Variants in SCN10A observed in about 807,000 individuals in gnomAD.
SCN10A encodes sodium channel protein type 10 subunit alpha.
In SCN10A, 162 loss-of-function variants were observed where a neutral mutation model predicts 170.7. The ratio of observed to expected loss-of-function variants is 0.95; its 90% CI spans 0.84 to 1.08. The LOEUF (loss-of-function observed/expected upper bound fraction) is 1.08, where lower values mean the gene tolerates loss of function less well. Ranked by LOEUF, SCN10A falls within the 50% of genes least tolerant of loss-of-function variation. SCN10A has a pLI of 0.00. For synonymous variants in SCN10A, 985 were observed against 904.6 expected, an observed-to-expected ratio of 1.09 and a Z score of -1.59; for missense variants, 2,527 against 2,436.9, an observed-to-expected ratio of 1.04 and a Z score of -0.78.
chr3:38,786,338 T>C (rs2064201753), intron 4 of SCN10A, among the ~76,000 whole-genome samples: 1 of 152,124 alleles, frequency 6.6e-6, no homozygotes, highest in Non-Finnish European at 1.5e-5. Flanking sequence ...GGGACATGGA[T>C]GAAGCTGGAA....
intron 15 of SCN10A, among the ~76,000 whole-genome samples, chr3:38,729,425 G>A (rs2063492820): frequency 6.6e-6 from 1 of 152,152 alleles, no homozygotes; most frequent in African/African-American, 2.4e-5. Flanking sequence ...AACTGCAAAT[G>A]TCCATGATTT....
chr3:38,707,425 C>G, intron 25 of SCN10A, 42 bp from the exon 26 acceptor site: 1 of 1,594,360 alleles, frequency 6.3e-7, no homozygotes, highest in Admixed American at 1.7e-5. Context: ...AGAGGAACCC[C>G]CTACGGATAC....
intron 1 of SCN10A, among the ~76,000 whole-genome samples, chr3:38,811,169 C>T (rs750218836): frequency 2.6e-5 from 4 of 152,080 alleles, no homozygotes; most frequent in Admixed American, 1.3e-4. Flanking sequence ...AATAGAACTA[C>T]AGTCCAGGCA....
chr3:38,745,606 C>T (rs1405287965), intron 13 of SCN10A, among the ~76,000 whole-genome samples: 1 of 152,110 alleles, frequency 6.6e-6, no homozygotes, highest in African/African-American at 2.4e-5. Context: ...CACCATATCT[C>T]CATTTCTTCA....
intron 17 of SCN10A, among the ~76,000 whole-genome samples, chr3:38,726,016 G>A (rs1184000091): frequency 6.6e-6 from 1 of 152,232 alleles, no homozygotes; most frequent in Non-Finnish European, 1.5e-5. Context: ...CCCACGTTGG[G>A]CAGAGGTGAA....
chr3:38,787,207 T>G (rs931687531), intron 4 of SCN10A, among the ~76,000 whole-genome samples: 5 of 152,134 alleles, frequency 3.3e-5, no homozygotes, highest in Non-Finnish European at 7.4e-5. Context: ...TACACAATAC[T>G]TATTATAATT....
rs1234149977 is a variant in SCN10A at position 38,763,522 on chromosome 3, G to A, written c.674C>T (p.Thr225Ile). The A allele has an allele frequency of 6.2e-7, 1 of 1,613,826 alleles. No individual in the cohort carries two copies. ...RTFRVLRALK[T>I]VSVIPGLKVI... ...ATGCTCACCTGGGATCACAGAAACT[G>A]TTTTTAATGCTCTAAGAACTCTGAA... is the stretch of plus-strand genomic sequence containing the variant. Residue 225 changes from threonine (T) to isoleucine (I), a missense_variant, in exon 6 of 28, where the codon ACA becomes ATA. Thr to Ile is a moderately conservative substitution (Grantham distance 89). Coordinates refer to ENST00000449082, the MANE Select transcript of SCN10A (RefSeq NM_006514.4).
At chr3:38,814,368 G>A (rs2126067648) in intron 1 of SCN10A, among the ~76,000 whole-genome samples, 1 of 152,248 alleles carries the variant, frequency 6.6e-6, no homozygotes, top group East Asian at 1.9e-4. Context: ...TGTATTCTGA[G>A]AGAGGGGGAG....
Position 38,710,882 on chromosome 3 carries a change from A to G in SCN10A, c.4105T>C (p.Trp1369Arg), listed in dbSNP as rs2063266393. ...ALLQVATFKG[W>R]MDIMYAAVDS... The stretch of plus-strand genomic sequence containing the variant: ...ACAGCTGCATACATAATGTCCATCC[A>G]GCCTTTAAAGGTTGCCTGGAGACAA... The change falls in exon 24 of 28, where the codon TGG becomes CGG. Residue 1369 changes from tryptophan (W) to arginine (R), a missense_variant. Physicochemically the swap from Trp to Arg is moderately radical, Grantham distance 101. Transcript: ENST00000449082. 6.2e-7 allele frequency: 1 copy of G among 1,613,712 alleles called. No individual in the cohort carries two copies. Among genetic ancestry groups the G allele is most frequent in the Non-Finnish European group, 8.5e-7 (1 of 1,179,866 alleles).
At chr3:38,781,062 T>C (rs1056027620) in intron 4 of SCN10A, among the ~76,000 whole-genome samples, 2 of 152,114 alleles carry the variant, frequency 1.3e-5, no homozygotes, top group Non-Finnish European at 2.9e-5. Context: ...AATGGGTGCC[T>C]CATAAGCTAA....
In SCN10A at chr3:38,697,181, G is replaced by A. The variant is rs1165218894; in HGVS notation, c.*168C>T. 7 of 1,031,384 alleles carry A rather than the reference G, an allele frequency of 6.8e-6. No homozygotes were observed. Among genetic ancestry groups the A allele is most frequent in the Non-Finnish European group, 9.6e-6 (7 of 729,288 alleles). The allele number at this position is 1,031,384 out of a possible 1,614,324, so 63.9% of individuals were successfully genotyped here. On this transcript the variant is annotated 3_prime_UTR_variant, in exon 28 of 28. Transcript: ENST00000449082. ...CTTCTGACTCCTATTTGTGTATGAT[G>A]GTTTTTTCAAAGGTGGTTACCAGTT...
At chr3:38,761,914 A>G (rs77832548) in intron 6 of SCN10A, among the ~76,000 whole-genome samples, 3,238 of 152,064 alleles carry the variant, frequency 0.021, 127 homozygotes, top group African/African-American at 0.073. Context: ...ACAAAAATAG[A>G]CCAAGAGAAA....
At chr3:38,698,606 T>A in intron 27 of SCN10A, 44 bp from the exon 28 acceptor site, 1 of 1,569,332 alleles carries the variant, frequency 6.4e-7, no homozygotes, top group Non-Finnish European at 8.7e-7. Flanking sequence ...TCTCCAGCCA[T>A]GAGACGTGAC....
At chr3:38,704,814 A>G (rs1197525848) in intron 26 of SCN10A, among the ~76,000 whole-genome samples, 1 of 152,180 alleles carries the variant, frequency 6.6e-6, no homozygotes, top group Non-Finnish European at 1.5e-5. Context: ...TGGGGCAGAA[A>G]TCCTGTGTCA....
At chr3:38,715,212 C>T (rs77430470) in intron 21 of SCN10A, among the ~76,000 whole-genome samples, 2,347 of 152,210 alleles carry the variant, frequency 0.015, 67 homozygotes, top group Admixed American at 0.063. Flanking sequence ...TTTTGCTCAG[C>T]CCCCTGGGAA....
intron 1 of SCN10A, among the ~76,000 whole-genome samples, chr3:38,812,872 A>G (rs2064449758): frequency 6.6e-6 from 1 of 152,132 alleles, no homozygotes; most frequent in South Asian, 2.1e-4. Flanking sequence ...TGTCTCTACC[A>G]AAACCACAAA....
At chr3:38,772,718 C>CAAAAAAAAAA in intron 4 of SCN10A, among the ~76,000 whole-genome samples, 1 of 76,580 alleles carries the variant, frequency 1.3e-5, no homozygotes, top group East Asian at 4.4e-4. Flanking sequence ...GCAACAACAA[C>CAAAAAAAAAA]AACAACAAAA....
intron 13 of SCN10A, among the ~76,000 whole-genome samples, chr3:38,746,220 ATCT>A (rs1191174433): frequency 1.3e-5 from 2 of 150,596 alleles, no homozygotes; most frequent in African/African-American, 4.9e-5. Context: ...TCAACTCATA[ATCT>A]TCTTTCATCT....
rs766368581 is a variant in SCN10A at position 38,726,829 on chromosome 3, C to T, written c.2864G>A (p.Ser955Asn). ...PELVVKLPLS[S>N]SKAENHIAAN... is the part of the protein sequence containing the mutation. The stretch of plus-strand genomic sequence containing the variant: ...AGCAATGTGGTTCTCAGCCTTGGAG[C>T]TGGAGAGTGGGAGTTTCACCACCAG... Residue 955 changes from serine (S) to asparagine (N), a missense_variant, in exon 17 of 28, where the codon AGC (serine) becomes AAC (asparagine). Coordinates refer to ENST00000449082, the MANE Select transcript of SCN10A (RefSeq NM_006514.4). 1 of 1,613,736 alleles carries T rather than the reference C, an allele frequency of 6.2e-7. No homozygotes were observed. The highest frequency in any genetic ancestry group is 1.3e-5 in the African/African-American group (1 of 74,918).
Sources: gnomAD v4.1 joint callset for allele counts (sites outside exome capture counted in the v4.1 genomes callset) on GRCh38, gnomAD v4.1.1 for gene constraint, MANE v1.5 for transcripts, NCBI Gene and HGNC (gene_info 2026-07-23, HGNC 2026-07-21) for gene names.